The following FARP1 variants were observed in gnomAD, a reference collection of about 807,000 sequenced individuals.
FARP1 encodes the protein FERM, ARHGEF and pleckstrin domain-containing protein 1.
In FARP1, 52 loss-of-function variants were observed where a neutral mutation model predicts 128.8. The ratio of observed to expected loss-of-function variants is 0.40; its 90% CI spans 0.32 to 0.51. The LOEUF (loss-of-function observed/expected upper bound fraction) is 0.51, where lower values mean the gene tolerates loss of function less well. Ranked by LOEUF, FARP1 falls within the 20% of genes least tolerant of loss-of-function variation. FARP1 has a pLI of 0.45. For missense variants in FARP1, 1,333 were observed against 1,367.9 expected, an observed-to-expected ratio of 0.97 and a Z score of 0.40; for synonymous variants, 580 against 551.8, an observed-to-expected ratio of 1.05 and a Z score of -0.72.
At chr13:98,244,772 T>C (rs1882971744) in intron 2 of FARP1, 1 of 1,595,222 alleles carries the variant, frequency 6.3e-7, no homozygotes. Flanking sequence ...ATGGCCAGAG[T>C]TAAATTCAAA....
intron 3 of FARP1, among the ~76,000 whole-genome samples, chr13:98,359,797 G>A (rs9517271): frequency 0.39 from 58,780 of 152,126 alleles, 13,040 homozygotes; most frequent in Non-Finnish European, 0.53. Flanking sequence ...CTAGGTGTGT[G>A]TAAGTTCACT....
intron 2 of FARP1, among the ~76,000 whole-genome samples, chr13:98,305,831 C>T (rs1406658936): frequency 6.6e-6 from 1 of 151,558 alleles, no homozygotes; most frequent in Non-Finnish European, 1.5e-5. Flanking sequence ...AAGTTCAACT[C>T]AAATTTTACT....
rs586538 is a variant in FARP1, at chr13:98,365,448, A to G, written c.319+11A>G. 0.03 allele frequency: 47,283 copies of G among 1,581,140 alleles called. 3,399 individuals are homozygous for G. The highest frequency in any genetic ancestry group is 0.28 in the African/African-American group (20,917 of 73,842). Reference sequence around the variant, plus strand: ...TGAAACAGATTAGAAGTGAGTATATACCATATGTTTAATAGTGATGTGAAA... The same window carrying G: ...TGAAACAGATTAGAAGTGAGTATATGCCATATGTTTAATAGTGATGTGAAA... On this transcript the variant is annotated intron_variant, in intron 4 of 26. Transcript: ENST00000319562.
chr13:98,265,750 A>C (rs886961866), intron 2 of FARP1, among the ~76,000 whole-genome samples: 6 of 152,170 alleles, frequency 3.9e-5, no homozygotes, highest in African/African-American at 1.4e-4. Context: ...TGTTTATTTA[A>C]TTTCTACTTG....
chr13:98,189,680 A>G (rs1189863254), intron 1 of FARP1, among the ~76,000 whole-genome samples: 2 of 152,222 alleles, frequency 1.3e-5, no homozygotes, highest in African/African-American at 4.8e-5. Context: ...TATTATAGAA[A>G]ACTTCTCAAG....
Position 98,451,214 on chromosome 13 carries a change from G to T in FARP1, c.*2897G>T, listed in dbSNP as rs1023746588. The T allele has an allele frequency of 6.6e-6, 1 of 152,112 alleles. No individual in the cohort carries two copies. Among genetic ancestry groups the T allele is most frequent in the Non-Finnish European group, 1.5e-5 (1 of 68,024 alleles). 9.4% of individuals were successfully genotyped at this position (152,112 alleles called of 1,614,324 possible). The stretch of plus-strand genomic sequence containing the variant: ...CCGCCCTGGCTCACTTAAAAATCAG[G>T]TAACGGCACACCCTGGGGAACACAG... On this transcript the variant is annotated 3_prime_UTR_variant, in exon 27 of 27. Transcript: ENST00000319562.
At chr13:98,159,883 G>A (rs2139124946) in intron 1 of FARP1, among the ~76,000 whole-genome samples, 1 of 152,310 alleles carries the variant, frequency 6.6e-6, no homozygotes, top group Middle Eastern at 3.4e-3. Context: ...TCACCCTAGT[G>A]CCAAGTAATG....
At chr13:98,363,021 A>G (rs1332767240) in intron 3 of FARP1, among the ~76,000 whole-genome samples, 2 of 152,226 alleles carry the variant, frequency 1.3e-5, no homozygotes, top group South Asian at 2.1e-4. Context: ...ACAATTGCCA[A>G]CAGCTCAACC....
intron 2 of FARP1, among the ~76,000 whole-genome samples, chr13:98,301,097 C>T (rs1198119532): frequency 6.6e-6 from 1 of 152,186 alleles, no homozygotes; most frequent in African/African-American, 2.4e-5. Flanking sequence ...GAGGCCAAGG[C>T]ACTGCTGATC....
chr13:98,394,837 A>G lies in FARP1; in HGVS notation c.1165-390A>G, dbSNP rs545846044. Reference sequence around the variant, plus strand: ...ACTGTGGTCCCAGCTACTTGGGAGGATTGCTTGAGCCCAAGAGGTCGAGGC... The same window carrying G: ...ACTGTGGTCCCAGCTACTTGGGAGGGTTGCTTGAGCCCAAGAGGTCGAGGC... On this transcript the variant is annotated intron_variant, in intron 12 of 26. Transcript: ENST00000319562. Among the ~76,000 whole-genome samples the G allele has an allele frequency of 7.9e-5, 12 of 152,170 alleles. No homozygotes were observed. In the East Asian group the frequency reaches 1.4e-3, roughly 17 times the overall value.
At position 98,364,943 on chromosome 13, in the gene FARP1, C is replaced by T. The variant is rs1231670434; in HGVS notation, c.277-452C>T. Among the ~76,000 whole-genome samples the T allele has an allele frequency of 2.0e-5, 3 of 152,298 alleles. No individual in the cohort carries two copies. The South Asian group carries it at 6.2e-4, about 32-fold the overall frequency. ...AGTAGCTTATAGGTAGTGCATGGTGCAGAGGTGGTGTTCTGTAAATATTCA... is the reference window on the plus strand; with the variant it reads ...AGTAGCTTATAGGTAGTGCATGGTGTAGAGGTGGTGTTCTGTAAATATTCA... On this transcript the variant is annotated intron_variant, in intron 3 of 26. Coordinates refer to ENST00000319562, the MANE Select transcript of FARP1 (RefSeq NM_005766.4).
intron 1 of FARP1, among the ~76,000 whole-genome samples, chr13:98,157,302 T>C (rs1876561642): frequency 6.6e-6 from 1 of 152,046 alleles, no homozygotes; most frequent in Non-Finnish European, 1.5e-5. Flanking sequence ...CCTCCTGTAC[T>C]TCCCTCTTCC....
chr13:98,316,250 A>G (rs1886714647), intron 2 of FARP1, among the ~76,000 whole-genome samples: 1 of 152,066 alleles, frequency 6.6e-6, no homozygotes, highest in Non-Finnish European at 1.5e-5. Flanking sequence ...TGGACTCCCT[A>G]AAAAAGTCAT....
At chr13:98,186,093 C>A (rs1341353112) in intron 1 of FARP1, among the ~76,000 whole-genome samples, 1 of 152,028 alleles carries the variant, frequency 6.6e-6, no homozygotes, top group Non-Finnish European at 1.5e-5. Context: ...ATCTGCAGAA[C>A]GTTTTCTTTT....
At chr13:98,250,994 C>T (rs116010845) in intron 2 of FARP1, among the ~76,000 whole-genome samples, 253 of 152,252 alleles carry the variant, frequency 1.7e-3, no homozygotes, top group African/African-American at 5.6e-3. Context: ...GTCCTAGGCT[C>T]GAGCACAGTG....
At chr13:98,182,753 G>A (rs143731854) in intron 1 of FARP1, among the ~76,000 whole-genome samples, 94 of 152,306 alleles carry the variant, frequency 6.2e-4, no homozygotes, top group African/African-American at 2.2e-3. Flanking sequence ...CCAAGGTCTT[G>A]GGCCACACGT....
In FARP1 at chr13:98,185,390, T is replaced by G. The variant is rs138326820; in HGVS notation, c.-23-27830T>G. Among the ~76,000 whole-genome samples the G allele has an allele frequency of 1.3e-3, 201 of 152,226 alleles. 1 individual carries two copies. The highest frequency in any genetic ancestry group is 4.6e-3 in the African/African-American group (191 of 41,540). Reference sequence around the variant, plus strand: ...GGCGTTGGGATTGGTAAGATAAAGCTCTCTATGGTTGGTTCAGGTGTCGTT... The same window carrying G: ...GGCGTTGGGATTGGTAAGATAAAGCGCTCTATGGTTGGTTCAGGTGTCGTT... On this transcript the variant is annotated intron_variant, in intron 1 of 26. Coordinates refer to ENST00000319562, the MANE Select transcript of FARP1 (RefSeq NM_005766.4).
chr13:98,278,713 G>T (rs1393737628), intron 2 of FARP1, among the ~76,000 whole-genome samples: 2 of 152,150 alleles, frequency 1.3e-5, no homozygotes, highest in African/African-American at 4.8e-5. Context: ...CTACCTTGTG[G>T]TTTCATGGAC....
intron 2 of FARP1, chr13:98,341,072 G>T (rs1312272624): frequency 6.6e-5 from 10 of 150,672 alleles, no homozygotes; most frequent in African/African-American, 2.2e-4. Context: ...AGAGTTTGGG[G>T]ATCATCTGTG....
Sources: gnomAD v4.1 joint callset for allele counts (sites outside exome capture counted in the v4.1 genomes callset) on GRCh38, gnomAD v4.1.1 for gene constraint, MANE v1.5 for transcripts, NCBI Gene and HGNC (gene_info 2026-07-23, HGNC 2026-07-21) for gene names.